PLCD4: variants seen among roughly 807,000 people sequenced by gnomAD.
The protein encoded by PLCD4 is phospholipase C delta 4.
A neutral mutation model predicts 90.2 loss-of-function variants in PLCD4; 63 were observed. The observed-to-expected ratio is 0.70, with a 90% confidence interval of 0.57 to 0.86. PLCD4 has a LOEUF of 0.86. Ranked by LOEUF, PLCD4 falls within the 40% of genes least tolerant of loss-of-function variation. The probability of loss-of-function intolerance (pLI) is 0.00; values close to 1 mark genes in which losing one functional copy is unlikely to be tolerated. For missense variants in PLCD4, 830 were observed against 956.3 expected (o/e 0.87, Z 1.74); for synonymous variants, 294 against 356.5 (o/e 0.82, Z 1.97).
At chr2:218,632,049 T>C in intron 9 of PLCD4, 87 bp from the exon 10 acceptor site, 1 of 1,404,584 alleles carries the variant, frequency 7.1e-7, no homozygotes, top group Non-Finnish European at 9.5e-7. Flanking sequence ...TCACTTCCTC[T>C]GCCTTTGAGA....
intron 4 of PLCD4, 114 bp from the exon 5 acceptor site, chr2:218,621,356 C>T: frequency 1.6e-6 from 2 of 1,251,502 alleles, no homozygotes; most frequent in Non-Finnish European, 2.3e-6. Flanking sequence ...TGGATTGGCA[C>T]CGGGGAGAGA....
At chr2:218,620,335 C>T (rs2106134138) in intron 4 of PLCD4, among the ~76,000 whole-genome samples, 1 of 152,124 alleles carries the variant, frequency 6.6e-6, no homozygotes, top group South Asian at 2.1e-4. Flanking sequence ...GAAACCCCAC[C>T]TCTACAAAAA....
At chr2:218,622,493 C>G (rs1036225050) in intron 5 of PLCD4, 154 bp from the exon 6 acceptor site, 3 of 509,852 alleles carry the variant, frequency 5.9e-6, no homozygotes, top group African/African-American at 3.9e-5. Context: ...GTGCTTATTT[C>G]ACATTGCATG....
Position 218,629,499 on chromosome 2 carries a change from T to G in PLCD4, c.975-20T>G. 6.2e-7 allele frequency: 1 copy of G among 1,611,528 alleles called. No individual in the cohort carries two copies. Among genetic ancestry groups the G allele is most frequent in the Non-Finnish European group, 8.5e-7 (1 of 1,179,182 alleles). On this transcript the variant is annotated intron_variant, in intron 7 of 15. Transcript: ENST00000450993. ...GATATTGACCTCTCCTATTTCTCGG[T>G]GGGGATGGGGTTCTTTCAGGGCCCT...
intron 3 of PLCD4, among the ~76,000 whole-genome samples, chr2:218,616,921 TATATATAGAGAGAGAGAGAGAGAG>T (rs1695618851): frequency 4.0e-5 from 1 of 24,942 alleles, no homozygotes; most frequent in Non-Finnish European, 7.5e-5. Flanking sequence ...TATATATATA[TATATATAGAGAGAGAGAGAGAGAG>T]AGAGAGAGAG....
Position 218,634,364 on chromosome 2 carries a change from C to G in PLCD4, c.1724-94C>G. 6.4e-7 allele frequency: 1 copy of G among 1,556,842 alleles called. No individual in the cohort carries two copies. Among genetic ancestry groups the G allele is most frequent in the South Asian group, 1.2e-5 (1 of 84,112 alleles). On this transcript the variant is annotated intron_variant, in intron 12 of 15. Transcript: ENST00000450993. This position sits in a 1 kb window ranked among gnomAD's most constrained non-coding sequence, Gnocchi z 4.0. Reference sequence around the variant, plus strand: ...ATCAGTGGATATTACCAGCAGGTACCGTGCACCCAGTACCTATCTTCTTAA... The same window carrying G: ...ATCAGTGGATATTACCAGCAGGTACGGTGCACCCAGTACCTATCTTCTTAA...
chr2:218,622,535 A>G (rs1695929889), intron 5 of PLCD4, 112 bp from the exon 6 acceptor site: 2 of 603,804 alleles, frequency 3.3e-6, no homozygotes, highest in African/African-American at 3.7e-5. Flanking sequence ...TACTGTATAA[A>G]TATATACACC....
At chr2:218,633,916 T>G in intron 11 of PLCD4, 155 bp downstream of exon 11, 1 of 1,201,604 alleles carries the variant, frequency 8.3e-7, no homozygotes, top group Non-Finnish European at 1.2e-6. Context: ...AGAGGAGTTA[T>G]GAATAGTGGC....
intron 4 of PLCD4, among the ~76,000 whole-genome samples, chr2:218,619,822 A>C (rs1695790605): frequency 6.6e-6 from 1 of 152,140 alleles, no homozygotes; most frequent in South Asian, 2.1e-4. Context: ...TTCAGGGATA[A>C]TTTCTATAGT....
intron 11 of PLCD4, 136 bp from the exon 12 acceptor site, chr2:218,633,969 T>A: frequency 7.7e-7 from 1 of 1,291,632 alleles, no homozygotes; most frequent in Non-Finnish European, 1.1e-6. Flanking sequence ...ATGGACAGAG[T>A]AGAGAGGCAC....
chr2:218,625,397 T>C (rs1696073663), intron 6 of PLCD4, among the ~76,000 whole-genome samples: 1 of 152,176 alleles, frequency 6.6e-6, no homozygotes, highest in South Asian at 2.1e-4. Flanking sequence ...CCGACCCCTC[T>C]TGGTGTTTCC....
intron 3 of PLCD4, among the ~76,000 whole-genome samples, chr2:218,616,949 G>A (rs1375448990): frequency 3.3e-5 from 2 of 61,454 alleles, no homozygotes; most frequent in Non-Finnish European, 6.8e-5. Context: ...GAGAGAGAGA[G>A]AGAGAGAGAG....
In PLCD4 at chr2:218,614,403, G is replaced by A. The variant is rs188806768; in HGVS notation, c.-33-1304G>A. On this transcript the variant is annotated intron_variant, in intron 1 of 15. Coordinates refer to ENST00000450993, the MANE Select transcript of PLCD4 (RefSeq NM_032726.4). Reference sequence around the variant, plus strand: ...CCTGACCTCGTGATCCACCCACCTCGGCCTCCCAAAGTGCTGGGATTACAG... The same window carrying A: ...CCTGACCTCGTGATCCACCCACCTCAGCCTCCCAAAGTGCTGGGATTACAG... Among the ~76,000 whole-genome samples the A allele has an allele frequency of 3.3e-3, 497 of 151,540 alleles. 2 individuals carry two copies. Among genetic ancestry groups the A allele is most frequent in the African/African-American group, 0.011 (461 of 41,348 alleles).
chr2:218,614,995 G>A (rs549630844), intron 1 of PLCD4, among the ~76,000 whole-genome samples: 37 of 152,152 alleles, frequency 2.4e-4, no homozygotes, highest in Admixed American at 5.2e-4. Context: ...TTGGGAGGCC[G>A]AGGTGGGCGG....
At position 218,630,692 on chromosome 2, in the gene PLCD4, A is replaced by C; in HGVS notation, c.1162A>C (p.Ser388Arg). 6.2e-7 allele frequency: 1 copy of C among 1,614,006 alleles called. No homozygotes were observed. ...PVILSLETHC[S>R]WEQQQTMARH... ...CATCTTGTCCCTGGAGACCCACTGC[A>C]GCTGGGAGCAGCAGCAGACCATGGC... The change falls in exon 9 of 16, where the codon AGC (serine) becomes CGC (arginine). Residue 388 changes from serine (S) to arginine (R), a missense_variant. Ser to Arg is a moderately radical substitution (Grantham distance 110). Coordinates refer to ENST00000450993, the MANE Select transcript of PLCD4 (RefSeq NM_032726.4).
chr2:218,621,374 A>G, intron 4 of PLCD4, 96 bp from the exon 5 acceptor site: 1 of 1,416,752 alleles, frequency 7.1e-7, no homozygotes, highest in Non-Finnish European at 9.8e-7. Context: ...AGAGACTGGC[A>G]GGAAAGAGAG....
chr2:218,618,332 C>T (rs1304908403), intron 3 of PLCD4, among the ~76,000 whole-genome samples: 1 of 152,230 alleles, frequency 6.6e-6, no homozygotes, highest in African/African-American at 2.4e-5. Context: ...GGCTGGAAGC[C>T]ATGTCTTGCC....
intron 8 of PLCD4, 67 bp from the exon 9 acceptor site, chr2:218,630,583 G>A: frequency 6.3e-7 from 1 of 1,593,790 alleles, no homozygotes; most frequent in Non-Finnish European, 8.6e-7. Flanking sequence ...TAGGAAGCGG[G>A]TACTTGAAGA....
At chr2:218,620,893 C>CAA (rs34369545) in intron 4 of PLCD4, among the ~76,000 whole-genome samples, 150 of 61,758 alleles carry the variant, frequency 2.4e-3, no homozygotes, top group African/African-American at 4.6e-3. Flanking sequence ...GACTCTGTCT[C>CAA]AAAAAAAAAA....
Sources: gnomAD v4.1 joint callset for allele counts (sites outside exome capture counted in the v4.1 genomes callset) on GRCh38, gnomAD v4.1.1 for gene constraint, Gnocchi (gnomAD v3.1) non-coding constraint, MANE v1.5 for transcripts, NCBI Gene and HGNC (gene_info 2026-07-23, HGNC 2026-07-21) for gene names.